The following ABCA13 variants were observed in gnomAD, a reference collection of about 807,000 sequenced individuals.
ABCA13 encodes the protein ATP binding cassette subfamily A member 13.
Under a neutral mutation model 478.7 loss-of-function variants are expected in ABCA13, and 476 were observed. The observed-to-expected ratio is 0.99, with a 90% CI of 0.92 to 1.07. The LOEUF (loss-of-function observed/expected upper bound fraction) is 1.07, where lower values mean the gene tolerates loss of function less well. ABCA13 is among the 50% of genes least tolerant of loss of function. The pLI is 0.00. For synonymous variants in ABCA13, 2,252 were observed against 2,158.9 expected (o/e 1.04, Z -1.20); for missense variants, 6,060 against 5,910.6 (o/e 1.03, Z -0.83).
At chr7:48,643,441 AT>A (rs1464277608) in intron 60 of ABCA13, 48 bp downstream of exon 60, 9 of 1,425,412 alleles carry the variant, frequency 6.3e-6, no homozygotes, top group South Asian at 2.4e-5. Context: ...CTAAAAAAAA[AT>A]AATAAATGTA....
At chr7:48,522,527 G>A (rs983007074) in intron 53 of ABCA13, among the ~76,000 whole-genome samples, 6 of 152,122 alleles carry the variant, frequency 3.9e-5, no homozygotes, top group African/African-American at 7.2e-5. Context: ...GGAAAGTTCT[G>A]CTATACCTAG....
intron 7 of ABCA13, among the ~76,000 whole-genome samples, chr7:48,232,962 G>C (rs1275846737): frequency 6.6e-6 from 1 of 152,126 alleles, no homozygotes; most frequent in Non-Finnish European, 1.5e-5. Flanking sequence ...GACCTCCCAT[G>C]GTGTATTCTT....
At chr7:48,297,147 G>T in intron 21 of ABCA13, 85 bp from the exon 22 acceptor site, 1 of 1,108,376 alleles carries the variant, frequency 9.0e-7, no homozygotes, top group Non-Finnish European at 1.3e-6. Context: ...TCCATCTCTT[G>T]GGAGCTGAGG....
intron 39 of ABCA13, among the ~76,000 whole-genome samples, chr7:48,405,747 A>T (rs537932002): frequency 6.6e-6 from 1 of 152,340 alleles, no homozygotes; most frequent in South Asian, 2.1e-4. Flanking sequence ...AGGTTATTTT[A>T]GACAGAAAAA....
At chr7:48,587,461 C>G (rs374648275) in intron 57 of ABCA13, among the ~76,000 whole-genome samples, 173 bp downstream of exon 57, 3 of 152,138 alleles carry the variant, frequency 2.0e-5, no homozygotes, top group Admixed American at 6.5e-5. Context: ...TTGTATTTTA[C>G]AGAAATAAAA....
chr7:48,229,699 T>C, intron 6 of ABCA13, 126 bp from the exon 7 acceptor site: 1 of 1,074,764 alleles, frequency 9.3e-7, no homozygotes, highest in Non-Finnish European at 1.4e-6. Flanking sequence ...GACATGTAAA[T>C]GGTCCAGCCA....
chr7:48,417,132 A>G (rs1174952395), intron 41 of ABCA13, among the ~76,000 whole-genome samples: 4 of 152,272 alleles, frequency 2.6e-5, no homozygotes, highest in Non-Finnish European at 2.9e-5. Context: ...TTGAGACTGT[A>G]CAAGTCCGAA....
rs543159460 is a variant in ABCA13 at position 48,453,325 on chromosome 7, C to T, written c.12566-1712C>T. Reference sequence around the variant, plus strand: ...GATATGCAGCCTGGTTTAGAAACCACTGCTTTAACTACCTAATGCCTCATC... The same window carrying T: ...GATATGCAGCCTGGTTTAGAAACCATTGCTTTAACTACCTAATGCCTCATC... On this transcript the variant is annotated intron_variant, in intron 42 of 61. Transcript: ENST00000435803. 1.1e-4 allele frequency among the ~76,000 whole-genome samples: 16 copies of T among 151,996 alleles called. No individual in the cohort carries two copies. In the South Asian group the frequency reaches 2.5e-3, roughly 24 times the overall value.
At chr7:48,377,562 T>A (rs1563151548) in intron 35 of ABCA13, among the ~76,000 whole-genome samples, 1 of 152,124 alleles carries the variant, frequency 6.6e-6, no homozygotes, top group Non-Finnish European at 1.5e-5. Flanking sequence ...CATTTAGGGA[T>A]GGGTAAACAT....
chr7:48,379,192 G>A lies in ABCA13; in HGVS notation c.11335+2620G>A, dbSNP rs1339650643. On this transcript the variant is annotated intron_variant, in intron 35 of 61. Coordinates refer to ENST00000435803, the MANE Select transcript of ABCA13 (RefSeq NM_152701.5). ...AAATTCAGATTCTTTTATTTCAAAA[G>A]CTAAAAATAAGAGTTGGCAATTTGC... Among the ~76,000 whole-genome samples, 3 of 152,092 alleles carry A rather than the reference G, an allele frequency of 2.0e-5. No individual in the cohort carries two copies. The South Asian group carries it at 6.2e-4, about 32-fold the overall frequency.
At chr7:48,328,168 C>G (rs564216586) in intron 27 of ABCA13, among the ~76,000 whole-genome samples, 1 of 152,158 alleles carries the variant, frequency 6.6e-6, no homozygotes, top group Admixed American at 6.6e-5. Flanking sequence ...TAAACTTGTA[C>G]GGGCTGGAAG....
intron 13 of ABCA13, among the ~76,000 whole-genome samples, chr7:48,247,454 C>T (rs976634381): frequency 6.6e-6 from 1 of 152,082 alleles, no homozygotes; most frequent in Admixed American, 6.6e-5. Context: ...CTTGAGGTAG[C>T]CTTTTGGATG....
At chr7:48,478,492 G>A (rs923745360) in intron 45 of ABCA13, among the ~76,000 whole-genome samples, 1 of 151,858 alleles carries the variant, frequency 6.6e-6, no homozygotes, top group Non-Finnish European at 1.5e-5. Context: ...CATGTACAGG[G>A]GGAGAATTAC....
intron 55 of ABCA13, among the ~76,000 whole-genome samples, chr7:48,529,485 A>T (rs1448586016): frequency 6.6e-6 from 1 of 152,190 alleles, no homozygotes; most frequent in Non-Finnish European, 1.5e-5. Context: ...GTCTTTATGA[A>T]TTTAAACCCA....
At chr7:48,182,422 C>T (rs926271019) in intron 1 of ABCA13, among the ~76,000 whole-genome samples, 11 of 152,146 alleles carry the variant, frequency 7.2e-5, no homozygotes, top group African/African-American at 1.2e-4. Context: ...ATCTTGCTTA[C>T]TTGACTTCCT....
chr7:48,203,515 G>T (rs1257589538), intron 3 of ABCA13, among the ~76,000 whole-genome samples: 1 of 152,236 alleles, frequency 6.6e-6, no homozygotes, highest in Non-Finnish European at 1.5e-5. Flanking sequence ...CCTCAGGTAA[G>T]TTCACTTTGG....
Position 48,175,489 on chromosome 7 carries a change from C to T in ABCA13, c.69+3937C>T, listed in dbSNP as rs190312659. ...AGGCTGGAGTGCAATGGTGTGATCT[C>T]GGCTCACTGCAACCTCTGCCTCCTG... On this transcript the variant is annotated intron_variant, in intron 1 of 61. Coordinates refer to ENST00000435803, the MANE Select transcript of ABCA13 (RefSeq NM_152701.5). Among the ~76,000 whole-genome samples the T allele has an allele frequency of 2.6e-3, 397 of 151,656 alleles. 1 individual carries two copies. Among genetic ancestry groups the T allele is most frequent in the African/African-American group, 9.1e-3 (377 of 41,316 alleles).
intron 31 of ABCA13, among the ~76,000 whole-genome samples, chr7:48,355,567 A>G (rs1056892767): frequency 6.6e-6 from 1 of 152,038 alleles, no homozygotes; most frequent in Non-Finnish European, 1.5e-5. Context: ...AAGAGCTTGT[A>G]GGGGTATGTG....
Position 48,275,722 on chromosome 7 carries a change from C to A in ABCA13, c.6056C>A (p.Thr2019Lys), listed in dbSNP as rs372307172. 2.5e-6 allele frequency: 4 copies of A among 1,603,218 alleles called. No individual in the cohort carries two copies. The highest frequency in any genetic ancestry group is 3.4e-6 in the Non-Finnish European group (4 of 1,174,034). ...ISEDWSLEKS[T>K]HNLLSLFMML... ...GAAGACTGGAGCCTAGAAAAAAGTA[C>A]GCATAATCTACTCTCTTTATTCATG... Residue 2019 changes from threonine (T) to lysine (K), a missense_variant, in exon 17 of 62, where the codon ACG becomes AAG. Physicochemically the swap from Thr to Lys is moderately conservative, Grantham distance 78. Coordinates refer to ENST00000435803, the MANE Select transcript of ABCA13 (RefSeq NM_152701.5).
Sources: gnomAD v4.1 joint callset for allele counts (sites outside exome capture counted in the v4.1 genomes callset) on GRCh38, gnomAD v4.1.1 for gene constraint, MANE v1.5 for transcripts, NCBI Gene and HGNC (gene_info 2026-07-23, HGNC 2026-07-21) for gene names.